The following MAGI1 variants were observed in gnomAD, a reference collection of about 807,000 sequenced individuals.
MAGI1 encodes membrane associated guanylate kinase, WW and PDZ domain containing 1.
Under a neutral mutation model 139.9 loss-of-function variants are expected in MAGI1, and 58 were observed. The observed-to-expected ratio is 0.41, with a 90% confidence interval of 0.34 to 0.52. The LOEUF (loss-of-function observed/expected upper bound fraction) is 0.52, where lower values mean the gene tolerates loss of function less well. MAGI1 is among the 20% of genes least tolerant of loss of function. The pLI, the probability that MAGI1 is intolerant of heterozygous loss-of-function variation, is 0.12. For synonymous variants in MAGI1, 812 were observed against 737.9 expected (o/e 1.10, Z -1.63); for missense variants, 1,874 against 1,901.6 (o/e 0.99, Z 0.27).
intron 14 of MAGI1, chr3:65,387,127 T>C (rs1943511878): frequency 6.2e-7 from 1 of 1,609,054 alleles, no homozygotes; most frequent in Admixed American, 1.7e-5. Context: ...GACAAAAGTT[T>C]TCAGCGGATC....
chr3:66,025,656 C>G (rs1480508145), intron 1 of MAGI1, among the ~76,000 whole-genome samples: 2 of 152,012 alleles, frequency 1.3e-5, no homozygotes, highest in African/African-American at 2.4e-5. Context: ...AAGAAAAAGC[C>G]CCCCCATCTT....
chr3:65,910,694 C>T (rs11920979), intron 1 of MAGI1, among the ~76,000 whole-genome samples: 1 of 152,026 alleles, frequency 6.6e-6, no homozygotes, highest in African/African-American at 2.4e-5. Context: ...CATCAAAACT[C>T]TACAGTAGCT....
chr3:65,868,661 T>C (rs2108475124), intron 1 of MAGI1, among the ~76,000 whole-genome samples: 1 of 152,220 alleles, frequency 6.6e-6, no homozygotes, highest in South Asian at 2.1e-4. Flanking sequence ...CACCTAATTA[T>C]ATGTTGGGAG....
At chr3:65,971,246 A>G (rs574206302) in intron 1 of MAGI1, among the ~76,000 whole-genome samples, 11 of 152,310 alleles carry the variant, frequency 7.2e-5, no homozygotes, top group African/African-American at 2.6e-4. Flanking sequence ...TTGATGAATC[A>G]TTATTTAAAA....
chr3:65,593,663 C>A (rs906828389), intron 2 of MAGI1, among the ~76,000 whole-genome samples: 1 of 152,128 alleles, frequency 6.6e-6, no homozygotes, highest in African/African-American at 2.4e-5. Context: ...ACAGCCTGAA[C>A]TTCATAATGA....
intron 1 of MAGI1, among the ~76,000 whole-genome samples, chr3:65,781,764 G>C (rs1391321344): frequency 6.6e-6 from 1 of 152,206 alleles, no homozygotes; most frequent in Non-Finnish European, 1.5e-5. Context: ...CCACGGAAGA[G>C]ATTTGCTAAA....
At chr3:65,975,263 G>A (rs991664515) in intron 1 of MAGI1, among the ~76,000 whole-genome samples, 6 of 152,032 alleles carry the variant, frequency 3.9e-5, no homozygotes, top group Non-Finnish European at 8.8e-5. Context: ...CCAAGAAAGC[G>A]AATTTCCAAA....
At chr3:65,953,263 T>C (rs1465287668) in intron 1 of MAGI1, among the ~76,000 whole-genome samples, 1 of 152,204 alleles carries the variant, frequency 6.6e-6, no homozygotes, top group Non-Finnish European at 1.5e-5. Flanking sequence ...CCTTTATACC[T>C]TCTGGCCTAT....
rs1171942054 is a variant in MAGI1 at position 66,038,902 on chromosome 3, A to C, written c.-594T>G. On this transcript the variant is annotated 5_prime_UTR_variant, in exon 1 of 23. Transcript: ENST00000402939. The stretch of plus-strand genomic sequence containing the variant: ...GCCGCGGAGCGCAGCGGCCGGCGAC[A>C]GGAGACGCGCGCGCATGCGCCCCGC... 11 of 152,142 alleles carry C rather than the reference A, an allele frequency of 7.2e-5. No homozygotes were observed. The South Asian group carries it at 1.5e-3, about 20-fold the overall frequency. The allele number at this position is 152,142 out of a possible 1,614,324, so 9.4% of individuals were successfully genotyped here.
intron 1 of MAGI1, among the ~76,000 whole-genome samples, chr3:65,878,502 C>T (rs555662518): frequency 3.8e-5 from 5 of 130,784 alleles, no homozygotes; most frequent in African/African-American, 1.5e-4. Context: ...GACAACAGAG[C>T]GAGACTCAGT....
At chr3:65,491,936 C>CT (rs2107664187) in intron 3 of MAGI1, among the ~76,000 whole-genome samples, 2 of 152,238 alleles carry the variant, frequency 1.3e-5, no homozygotes, top group South Asian at 4.1e-4. Context: ...GACAATGCTC[C>CT]TTCCCGTCTT....
At chr3:65,376,637 T>C (rs1010041394) in intron 17 of MAGI1, among the ~76,000 whole-genome samples, 3 of 152,228 alleles carry the variant, frequency 2.0e-5, no homozygotes, top group Admixed American at 6.5e-5. Flanking sequence ...GCTAGTCTTA[T>C]GTGCTTTCAG....
intron 6 of MAGI1, among the ~76,000 whole-genome samples, chr3:65,451,750 T>A (rs186141681): frequency 1.3e-5 from 2 of 152,272 alleles, no homozygotes; most frequent in East Asian, 3.9e-4. Flanking sequence ...GCTCAGGTGA[T>A]CCTTCTGCCT....
At chr3:65,996,391 A>AT (rs1478883338) in intron 1 of MAGI1, among the ~76,000 whole-genome samples, 4 of 152,158 alleles carry the variant, frequency 2.6e-5, no homozygotes, top group Non-Finnish European at 5.9e-5. Flanking sequence ...TTTAAATCTC[A>AT]TAATTCCACC....
chr3:65,455,565 TTAGCCAGGTGTGGTGGCACACAC>T (rs1385515677), intron 5 of MAGI1, among the ~76,000 whole-genome samples: 11 of 151,892 alleles, frequency 7.2e-5, no homozygotes, highest in South Asian at 2.1e-4. Context: ...TACAAAAAAA[TTAGCCAGGTGTGGTGGCACACAC>T]TAGCCAGGTG....
chr3:65,478,252 C>G (rs751778478), intron 4 of MAGI1, among the ~76,000 whole-genome samples: 1 of 150,864 alleles, frequency 6.6e-6, no homozygotes, highest in African/African-American at 2.4e-5. Context: ...TGCAAGTTAC[C>G]CCCCCCAAAA....
At position 65,514,996 on chromosome 3, in the gene MAGI1, C is replaced by T. The variant is rs1445053030; in HGVS notation, c.431-21365G>A. Among the ~76,000 whole-genome samples the T allele has an allele frequency of 6.7e-5, 10 of 148,708 alleles. No individual in the cohort carries two copies. In the South Asian group the frequency reaches 1.5e-3, roughly 23 times the overall value. On this transcript the variant is annotated intron_variant, in intron 2 of 22. Coordinates refer to ENST00000402939, the MANE Select transcript of MAGI1 (RefSeq NM_001033057.2). ...ATGCAGCCATAAAAAATGATGAGTT[C>T]GTGTCCTTTATAGGGACATGGATGA...
rs73136930 is a variant in MAGI1 at position 65,820,639 on chromosome 3, G to C, written c.314-198551C>G. On this transcript the variant is annotated intron_variant, in intron 1 of 22. Transcript: ENST00000402939. ...CCCCTCAATGTAGGTGGATTACCTA[G>C]GATTCTTCAGGTCACAAGAAAAAGG... Among the ~76,000 whole-genome samples the C allele has an allele frequency of 7.9e-5, 12 of 152,140 alleles. No homozygotes were observed. The East Asian group carries it at 2.3e-3, about 29-fold the overall frequency.
chr3:65,914,432 C>A (rs1234243245), intron 1 of MAGI1, among the ~76,000 whole-genome samples: 1 of 152,186 alleles, frequency 6.6e-6, no homozygotes, highest in Non-Finnish European at 1.5e-5. Flanking sequence ...ATGCAGATAA[C>A]CTCAACTAGT....
Sources: gnomAD v4.1 joint callset for allele counts (sites outside exome capture counted in the v4.1 genomes callset) on GRCh38, gnomAD v4.1.1 for gene constraint, MANE v1.5 for transcripts, NCBI Gene and HGNC (gene_info 2026-07-23, HGNC 2026-07-21) for gene names.